Variants in PRMT8 observed in about 807,000 individuals in gnomAD.
PRMT8 encodes the protein protein arginine N-methyltransferase 8.
In PRMT8, 7 loss-of-function variants were observed where a neutral mutation model predicts 47.1. The ratio of observed to expected loss-of-function variants is 0.15; its 90% CI spans 0.08 to 0.28. The LOEUF (loss-of-function observed/expected upper bound fraction) is 0.28. Ranked by LOEUF, PRMT8 falls within the 10% of genes least tolerant of loss-of-function variation. PRMT8 has a pLI of 1.00. For synonymous variants in PRMT8, 188 were observed against 186.5 expected, an observed-to-expected ratio of 1.01 and a Z score of -0.07; for missense variants, 237 against 505.4, an observed-to-expected ratio of 0.47 and a Z score of 5.09.
chr12:3,556,520 G>A (rs74496764), intron 4 of PRMT8, among the ~76,000 whole-genome samples: 1,664 of 152,174 alleles, frequency 0.011, 70 homozygotes, highest in East Asian at 0.079. Context: ...GGTTACCAGC[G>A]CTCTTAACAA....
At chr12:3,431,643 C>T (rs1235218959) in intron 1 of PRMT8, among the ~76,000 whole-genome samples, 1 of 152,076 alleles carries the variant, frequency 6.6e-6, no homozygotes, top group Non-Finnish European at 1.5e-5. Context: ...TACGTAGTGT[C>T]AAAGGCTGCA....
intron 8 of PRMT8, among the ~76,000 whole-genome samples, chr12:3,587,503 T>G (rs1867205692): frequency 6.6e-6 from 1 of 152,192 alleles, no homozygotes; most frequent in Non-Finnish European, 1.5e-5. Flanking sequence ...TTGCTTACAC[T>G]TATTGATTCG....
intron 1 of PRMT8, among the ~76,000 whole-genome samples, chr12:3,397,539 G>T (rs1314523288): frequency 6.6e-6 from 1 of 151,442 alleles, no homozygotes; most frequent in Non-Finnish European, 1.5e-5. Flanking sequence ...CAGGGGTCAG[G>T]GACCCACTTG....
At chr12:3,491,173 C>T, upstream of PRMT8, 52 of 988,118 alleles carry the variant, frequency 5.3e-5, no homozygotes, top group Non-Finnish European at 6.3e-5. Flanking sequence ...CCCGGCTCAG[C>T]CCCTAGGAGA....
intron 1 of PRMT8, among the ~76,000 whole-genome samples, chr12:3,534,108 G>T (rs1190119482): frequency 6.6e-6 from 1 of 152,242 alleles, no homozygotes; most frequent in East Asian, 1.9e-4. Context: ...GAAGCCTCCT[G>T]CCACCCCTAC....
At chr12:3,466,264 G>A (rs1827979365) in intron 1 of PRMT8, among the ~76,000 whole-genome samples, 2 of 152,190 alleles carry the variant, frequency 1.3e-5, no homozygotes, top group African/African-American at 4.8e-5. Context: ...CTGTGGGCTC[G>A]TGGGACTGAG....
chr12:3,464,083 G>A (rs771771620), intron 1 of PRMT8, among the ~76,000 whole-genome samples: 1 of 152,192 alleles, frequency 6.6e-6, no homozygotes, highest in Non-Finnish European at 1.5e-5. Context: ...ATGACTAAGC[G>A]GGGAGGGGAT....
At chr12:3,510,060 G>A (rs1019556003) in intron 1 of PRMT8, among the ~76,000 whole-genome samples, 1 of 152,156 alleles carries the variant, frequency 6.6e-6, no homozygotes, top group Admixed American at 6.5e-5. Context: ...GTTTGGAGGA[G>A]CCAATATATT....
At chr12:3,545,065 G>A (rs1179899655) in intron 2 of PRMT8, among the ~76,000 whole-genome samples, 2 of 152,194 alleles carry the variant, frequency 1.3e-5, no homozygotes, top group African/African-American at 2.4e-5. Context: ...AAGGGTTGTA[G>A]TTATCACTAA....
upstream of PRMT8, among the ~76,000 whole-genome samples, chr12:3,489,265 G>A (rs1020844055): frequency 6.6e-6 from 1 of 152,014 alleles, no homozygotes; most frequent in Non-Finnish European, 1.5e-5. Context: ...ACATAATCAC[G>A]CACAGGCAGC....
chr12:3,468,513 C>T (rs1313669519), intron 1 of PRMT8, among the ~76,000 whole-genome samples: 2 of 152,220 alleles, frequency 1.3e-5, no homozygotes, highest in African/African-American at 4.8e-5. Flanking sequence ...GCCAGCTCCT[C>T]CCAACACTGA....
rs143451877 is a variant in PRMT8 at position 3,521,492 on chromosome 12, T to G, written c.76-19114T>G. Among the ~76,000 whole-genome samples, 34 of 152,272 alleles carry G rather than the reference T, an allele frequency of 2.2e-4. No homozygotes were observed. In the East Asian group the frequency reaches 6.4e-3, roughly 29 times the overall value. The stretch of plus-strand genomic sequence containing the variant: ...AGGAGGCTGAGGCAGGAGAATCACT[T>G]GAACCCGGAAGGTAGAGGTTGCAGT... On this transcript the variant is annotated intron_variant, in intron 1 of 9. Coordinates refer to ENST00000382622, the MANE Select transcript of PRMT8 (RefSeq NM_019854.5).
intron 1 of PRMT8, among the ~76,000 whole-genome samples, chr12:3,431,736 A>G (rs1864680796): frequency 6.6e-6 from 1 of 152,224 alleles, no homozygotes; most frequent in African/African-American, 2.4e-5. Context: ...CTGTTTCCTC[A>G]GAGAGTCTGA....
rs889809979 is a variant in PRMT8, at chr12:3,570,639, A to G, written c.712+1075A>G. ...GGCTCTGTGGATTTAAACAATTGCCATCTAATCGTCGTTAGTGGCACTGAT... is the reference window on the plus strand; with the variant it reads ...GGCTCTGTGGATTTAAACAATTGCCGTCTAATCGTCGTTAGTGGCACTGAT... On this transcript the variant is annotated intron_variant, in intron 6 of 9. Coordinates refer to ENST00000382622, the MANE Select transcript of PRMT8 (RefSeq NM_019854.5). The surrounding 1 kb of genome is among the most constrained non-coding windows in gnomAD (Gnocchi z 5.5). Among the ~76,000 whole-genome samples, 3 of 152,220 alleles carry G rather than the reference A, an allele frequency of 2.0e-5. No homozygotes were observed. Among genetic ancestry groups the G allele is most frequent in the African/African-American group, 4.8e-5 (2 of 41,460 alleles).
At chr12:3,540,366 C>G (rs1223564753) in intron 1 of PRMT8, among the ~76,000 whole-genome samples, 2 of 152,156 alleles carry the variant, frequency 1.3e-5, no homozygotes, top group Non-Finnish European at 2.9e-5. Flanking sequence ...CTAATAAGAG[C>G]TGAAGGTGGG....
intron 1 of PRMT8, among the ~76,000 whole-genome samples, chr12:3,393,168 G>T (rs1347689923): frequency 6.6e-6 from 1 of 152,118 alleles, no homozygotes; most frequent in Non-Finnish European, 1.5e-5. Context: ...TAGGTTGCCT[G>T]TTCACTCTGA....
At chr12:3,392,698 A>G (rs1260346459) in intron 1 of PRMT8, among the ~76,000 whole-genome samples, 3 of 152,200 alleles carry the variant, frequency 2.0e-5, no homozygotes, top group Non-Finnish European at 2.9e-5. Flanking sequence ...TTAAAGCAGC[A>G]TGATTTGTAA....
In PRMT8 at chr12:3,577,658, T is replaced by A. The variant is rs578151086; in HGVS notation, c.828+672T>A. 7.0e-5 allele frequency among the ~76,000 whole-genome samples: 10 copies of A among 142,080 alleles called. No individual in the cohort carries two copies. In the South Asian group the frequency reaches 2.2e-3, roughly 31 times the overall value. 93.2% of individuals were successfully genotyped at this position (142,080 alleles called of 152,430 possible). On this transcript the variant is annotated intron_variant, in intron 7 of 9. Transcript: ENST00000382622. ...AACACAAATTCGTAAACTTAAAACA[T>A]TAAGAGACTTTTTTGTGGGATTTTT...
chr12:3,393,774 G>A (rs1479696161), intron 1 of PRMT8, among the ~76,000 whole-genome samples: 1 of 123,078 alleles, frequency 8.1e-6, no homozygotes, highest in Non-Finnish European at 1.7e-5. Flanking sequence ...GCTTGATGGG[G>A]ATGGCATTGA....
Sources: gnomAD v4.1 joint callset for allele counts (sites outside exome capture counted in the v4.1 genomes callset) on GRCh38, gnomAD v4.1.1 for gene constraint, Gnocchi (gnomAD v3.1) non-coding constraint, MANE v1.5 for transcripts, NCBI Gene and HGNC (gene_info 2026-07-23, HGNC 2026-07-21) for gene names.